KYNU: variants seen among roughly 807,000 people sequenced by gnomAD.
The protein encoded by KYNU is L-kynurenine hydrolase.
KYNU carries 54 observed loss-of-function variants against 59.2 expected under a neutral mutation model. The ratio of observed to expected loss-of-function variants is 0.91; its 90% CI spans 0.73 to 1.14. The LOEUF (loss-of-function observed/expected upper bound fraction) is 1.14, where lower values mean the gene tolerates loss of function less well. KYNU is among the 50% of genes most tolerant of loss of function. KYNU has a pLI of 0.00. For missense variants in KYNU, 567 were observed against 554.4 expected (o/e 1.02, Z -0.23); for synonymous variants, 177 against 192.0 (o/e 0.92, Z 0.65).
At chr2:142,982,800 C>T (rs1464509835) in intron 8 of KYNU, among the ~76,000 whole-genome samples, 2 of 152,012 alleles carry the variant, frequency 1.3e-5, no homozygotes, top group Non-Finnish European at 2.9e-5. Flanking sequence ...GCATATTTTG[C>T]TTACCAAATA....
chr2:142,983,062 T>C (rs1273270600), intron 8 of KYNU, among the ~76,000 whole-genome samples: 1 of 151,262 alleles, frequency 6.6e-6, no homozygotes, highest in Non-Finnish European at 1.5e-5. Context: ...TAACCATTGA[T>C]TTTATGGATC....
intron 4 of KYNU, among the ~76,000 whole-genome samples, chr2:142,937,844 A>C (rs1259063426): frequency 3.3e-5 from 5 of 152,242 alleles, no homozygotes; most frequent in African/African-American, 2.4e-5. Flanking sequence ...GCTGGACTTA[A>C]AATATGTAAG....
At chr2:142,982,262 T>C (rs183402178) in intron 8 of KYNU, among the ~76,000 whole-genome samples, 3 of 152,192 alleles carry the variant, frequency 2.0e-5, no homozygotes, top group Admixed American at 2.0e-4. Flanking sequence ...AGAGGTAAAA[T>C]GTTTTGCAAA....
intron 4 of KYNU, among the ~76,000 whole-genome samples, chr2:142,930,922 G>C (rs151118556): frequency 6.6e-6 from 1 of 152,228 alleles, no homozygotes; most frequent in East Asian, 1.9e-4. Context: ...TTTAATGAGC[G>C]CCTGGGTGCA....
chr2:142,993,773 G>A (rs1281374691), intron 10 of KYNU, among the ~76,000 whole-genome samples: 1 of 151,968 alleles, frequency 6.6e-6, no homozygotes, highest in Non-Finnish European at 1.5e-5. Flanking sequence ...CTCCAGAGAT[G>A]AAGTAATCCT....
chr2:142,959,111 CCACACACATACACACT>C (rs1190427276), intron 7 of KYNU, among the ~76,000 whole-genome samples: 1 of 151,670 alleles, frequency 6.6e-6, no homozygotes, highest in Non-Finnish European at 1.5e-5. Context: ...TATTTCACAC[CCACACACATACACACT>C]CACACACACA....
intron 4 of KYNU, among the ~76,000 whole-genome samples, chr2:142,929,771 A>G (rs1268241229): frequency 6.6e-6 from 1 of 152,214 alleles, no homozygotes. Context: ...CCTGGAATCA[A>G]TAGAAAGGAG....
chr2:142,926,408 AAATT>A (rs999705416), intron 3 of KYNU, among the ~76,000 whole-genome samples: 1 of 152,254 alleles, frequency 6.6e-6, no homozygotes, highest in African/African-American at 2.4e-5. Context: ...GATTTAAAAT[AAATT>A]ATTTCTCTGT....
In KYNU at chr2:143,050,709, TTAAA is replaced by T. The variant is rs1311957702; in HGVS notation, c.*8542_*8545del. The T allele has an allele frequency of 2.0e-5, 3 of 152,240 alleles. No individual in the cohort carries two copies. The highest frequency in any genetic ancestry group is 2.0e-4 in the Admixed American group (3 of 15,284). The allele number at this position is 152,240 out of a possible 1,614,324, so 9.4% of individuals were successfully genotyped here. On this transcript the variant is annotated 3_prime_UTR_variant, in exon 14 of 14. Coordinates refer to ENST00000264170, the MANE Select transcript of KYNU (RefSeq NM_003937.3). Reference sequence around the variant, plus strand: ...GTGAAGTCAGTAAATTAATTTCAAATTAAATAAACTTTTCTACAGCTATTTTATG... The same window carrying T: ...GTGAAGTCAGTAAATTAATTTCAAATTAAACTTTTCTACAGCTATTTTATG...
intron 13 of KYNU, 98 bp downstream of exon 13, chr2:143,040,756 C>A: frequency 2.8e-6 from 2 of 724,044 alleles, no homozygotes; most frequent in Non-Finnish European, 2.3e-6. Flanking sequence ...CATGTTATTT[C>A]ACATCAGTCA....
chr2:143,040,519 A>C lies in KYNU; in HGVS notation c.1133A>C (p.Lys378Thr), dbSNP rs756492868. The change falls in exon 13 of 14, where the codon AAA becomes ACA. Residue 378 changes from lysine (K) to threonine (T), a missense_variant. Physicochemically the swap from Lys to Thr is moderately conservative, Grantham distance 78. Coordinates refer to ENST00000264170, the MANE Select transcript of KYNU (RefSeq NM_003937.3). ...TACCTGATCAAGCATAACTATGGCA[A>C]AGATAAAGCAGCAACCAAGAAACCA... is the stretch of plus-strand genomic sequence containing the variant. ...LEYLIKHNYG[K>T]DKAATKKPVV... is the part of the protein sequence containing the mutation. The C allele has an allele frequency of 3.1e-6, 5 of 1,613,226 alleles. No individual in the cohort carries two copies. The African/African-American group carries it at 5.3e-5, about 17-fold the overall frequency.
rs191016259 is a variant in KYNU at position 142,904,926 on chromosome 2, G to A, written c.170-13683G>A. On this transcript the variant is annotated intron_variant, in intron 2 of 13. Transcript: ENST00000264170. ...GATTCTAGTGGTCCTTTACCAGCGT[G>A]CCCAACATTGCCTTTGTGCTCAGGG... Among the ~76,000 whole-genome samples, 10 of 152,228 alleles carry A rather than the reference G, an allele frequency of 6.6e-5. No homozygotes were observed. The East Asian group carries it at 1.9e-3, about 29-fold the overall frequency.
chr2:142,908,494 G>A (rs988860905), intron 2 of KYNU, among the ~76,000 whole-genome samples: 2 of 98,620 alleles, frequency 2.0e-5, no homozygotes, highest in Non-Finnish European at 3.8e-5. Context: ...CTGGTTGTGG[G>A]ATTTTTTTTA....
At chr2:142,953,652 C>A (rs1159636342) in intron 4 of KYNU, among the ~76,000 whole-genome samples, 1 of 151,906 alleles carries the variant, frequency 6.6e-6, no homozygotes, top group Non-Finnish European at 1.5e-5. Flanking sequence ...TTCTTACTGC[C>A]CCTTGACGTT....
At chr2:142,921,137 G>T (rs1440279237) in intron 3 of KYNU, among the ~76,000 whole-genome samples, 3 of 152,190 alleles carry the variant, frequency 2.0e-5, no homozygotes, top group Non-Finnish European at 4.4e-5. Context: ...AACAGCCATG[G>T]GTAAGGGTTT....
In KYNU at chr2:142,997,419, C is replaced by G. The variant is rs575822456; in HGVS notation, c.902+11398C>G. On this transcript the variant is annotated intron_variant, in intron 10 of 13. Transcript: ENST00000264170. ...GAATAAACAATCATGCTGTACCCAG[C>G]ATGTTCCATGTTTTTGCAATGCTAT... Among the ~76,000 whole-genome samples, 19 of 152,254 alleles carry G rather than the reference C, an allele frequency of 1.2e-4. 1 individual carries two copies. In the South Asian group the frequency reaches 2.3e-3, roughly 18 times the overall value.
At chr2:143,041,542 A>G (rs1325534477) in intron 13 of KYNU, among the ~76,000 whole-genome samples, 1 of 152,034 alleles carries the variant, frequency 6.6e-6, no homozygotes, top group Non-Finnish European at 1.5e-5. Flanking sequence ...GGTGTTTTCT[A>G]AAGTTAACCA....
chr2:143,033,239 T>G lies in KYNU; in HGVS notation c.959T>G (p.Leu320Arg). The G allele has an allele frequency of 6.2e-7, 1 of 1,607,270 alleles. No individual in the cohort carries two copies. ...LSTRFKMDNKLQLIPGVCGFR... is the reference protein window; with the variant it reads ...LSTRFKMDNKRQLIPGVCGFR... Reference sequence around the variant, plus strand: ...TGACATGATATTAATTTCTCAGAACTGCAGTTAATCCCTGGGGTCTGTGGA... The same window carrying G: ...TGACATGATATTAATTTCTCAGAACGGCAGTTAATCCCTGGGGTCTGTGGA... The change falls in exon 12 of 14, where the codon CTG becomes CGG. Residue 320 changes from leucine (L) to arginine (R), a missense_variant. Coordinates refer to ENST00000264170, the MANE Select transcript of KYNU (RefSeq NM_003937.3).
chr2:143,034,755 G>C (rs1411878352), intron 12 of KYNU, among the ~76,000 whole-genome samples: 1 of 152,104 alleles, frequency 6.6e-6, no homozygotes, highest in East Asian at 1.9e-4. Context: ...TAAATATTTT[G>C]TTTAAACATT....
Sources: allele counts gnomAD v4.1 joint callset (sites outside exome capture counted in the v4.1 genomes callset), GRCh38; gene constraint gnomAD v4.1.1; transcripts MANE v1.5; gene names NCBI Gene and HGNC (gene_info 2026-07-23, HGNC 2026-07-21).